CNTNAP5: variants seen among roughly 807,000 people sequenced by gnomAD.
CNTNAP5 encodes the protein contactin-associated protein-like 5.
In CNTNAP5, 72 loss-of-function variants were observed where a neutral mutation model predicts 150.2. That is an observed-to-expected ratio of 0.48 (90% CI 0.40 to 0.58). CNTNAP5 has a LOEUF of 0.58. Ranked by LOEUF, CNTNAP5 falls within the 20% of genes least tolerant of loss-of-function variation. The pLI, the probability that CNTNAP5 is intolerant of heterozygous loss-of-function variation, is 0.00. For missense variants in CNTNAP5, 1,636 were observed against 1,626.2 expected, an observed-to-expected ratio of 1.01 and a Z score of -0.10; for synonymous variants, 672 against 619.8, an observed-to-expected ratio of 1.08 and a Z score of -1.25.
rs140832536 is a variant in CNTNAP5, at chr2:124,122,693, C to A, written c.82+96961C>A. ...TTATTGTGTGCCAGATCCCTTAGATCTTTGAGTTGCTAATCTTCCTGTCCC... is the reference window on the plus strand; with the variant it reads ...TTATTGTGTGCCAGATCCCTTAGATATTTGAGTTGCTAATCTTCCTGTCCC... On this transcript the variant is annotated intron_variant, in intron 1 of 23. Coordinates refer to ENST00000682447, the MANE Select transcript of CNTNAP5 (RefSeq NM_001367498.1). Among the ~76,000 whole-genome samples the A allele has an allele frequency of 2.6e-4, 39 of 151,820 alleles. 1 individual carries two copies. In the South Asian group the frequency reaches 4.4e-3, roughly 17 times the overall value.
Position 124,834,514 on chromosome 2 carries a change from T to C in CNTNAP5, c.3218-30792T>C, listed in dbSNP as rs76251471. On this transcript the variant is annotated intron_variant, in intron 19 of 23. Coordinates refer to ENST00000682447, the MANE Select transcript of CNTNAP5 (RefSeq NM_001367498.1). ...TCATGTTTAAATATCCAGGCTGTAA[T>C]GGGGGGTATTGCAGCAGAAGGCCTC... is the stretch of plus-strand genomic sequence containing the variant. Among the ~76,000 whole-genome samples the C allele has an allele frequency of 2.0e-5, 3 of 151,966 alleles. No homozygotes were observed. In the South Asian group the frequency reaches 6.2e-4, roughly 32 times the overall value.
At chr2:124,825,712 G>C (rs1472284851) in intron 19 of CNTNAP5, among the ~76,000 whole-genome samples, 1 of 152,172 alleles carries the variant, frequency 6.6e-6, no homozygotes, top group Non-Finnish European at 1.5e-5. Context: ...TTTTATTCTG[G>C]AATCTGGGGA....
chr2:124,155,913 G>A (rs1684514994), intron 1 of CNTNAP5, among the ~76,000 whole-genome samples: 2 of 152,222 alleles, frequency 1.3e-5, no homozygotes, highest in South Asian at 2.1e-4. Context: ...CTGGGGGCAA[G>A]CAGTTGAGCC....
At chr2:124,370,778 T>C (rs1404889976) in intron 3 of CNTNAP5, among the ~76,000 whole-genome samples, 3 of 152,128 alleles carry the variant, frequency 2.0e-5, no homozygotes, top group African/African-American at 7.2e-5. Context: ...TTCCTTCTTC[T>C]GATCTTAGGT....
At chr2:124,193,742 T>C (rs1018021076) in intron 1 of CNTNAP5, among the ~76,000 whole-genome samples, 3 of 152,234 alleles carry the variant, frequency 2.0e-5, no homozygotes, top group Admixed American at 6.5e-5. Flanking sequence ...TTATGAAATG[T>C]GAAGCATTTA....
chr2:124,099,866 A>G (rs1683025508), intron 1 of CNTNAP5, among the ~76,000 whole-genome samples: 1 of 152,070 alleles, frequency 6.6e-6, no homozygotes, highest in Non-Finnish European at 1.5e-5. Context: ...ACAGGACCAA[A>G]TGGTTGGTGC....
chr2:124,254,193 TA>T (rs1478506015), intron 3 of CNTNAP5, among the ~76,000 whole-genome samples: 1 of 152,208 alleles, frequency 6.6e-6, no homozygotes, highest in Non-Finnish European at 1.5e-5. Flanking sequence ...AATCCTTATC[TA>T]AAGAAAACTT....
intron 11 of CNTNAP5, among the ~76,000 whole-genome samples, chr2:124,588,105 TC>T (rs1696583328): frequency 6.6e-6 from 1 of 151,420 alleles, no homozygotes; most frequent in Non-Finnish European, 1.5e-5. Flanking sequence ...TTTTCTTCCT[TC>T]CTTCCCTCCT....
intron 3 of CNTNAP5, among the ~76,000 whole-genome samples, chr2:124,355,283 A>C (rs1002623103): frequency 1.3e-5 from 2 of 152,146 alleles, no homozygotes; most frequent in Non-Finnish European, 2.9e-5. Context: ...TTCATTTTTC[A>C]CATTTCTTTA....
chr2:124,166,387 A>G (rs1684810832), intron 1 of CNTNAP5, among the ~76,000 whole-genome samples: 1 of 152,194 alleles, frequency 6.6e-6, no homozygotes, highest in Non-Finnish European at 1.5e-5. Context: ...GCTTGGAAGT[A>G]GTGACACTTA....
At chr2:124,457,720 T>C (rs536562344) in intron 6 of CNTNAP5, among the ~76,000 whole-genome samples, 1 of 152,164 alleles carries the variant, frequency 6.6e-6, no homozygotes, top group Non-Finnish European at 1.5e-5. Flanking sequence ...ATATTTATTA[T>C]ACTTTAAGTT....
At chr2:124,094,223 A>G (rs1573748975) in intron 1 of CNTNAP5, among the ~76,000 whole-genome samples, 1 of 152,362 alleles carries the variant, frequency 6.6e-6, no homozygotes, top group East Asian at 1.9e-4. Context: ...TAACACTTTT[A>G]ACATGCAGTA....
chr2:124,786,375 G>A (rs13024257), intron 17 of CNTNAP5, among the ~76,000 whole-genome samples: 1 of 73,972 alleles, frequency 1.4e-5, no homozygotes, highest in East Asian at 3.2e-4. Context: ...AAGAAAGAAA[G>A]AAAGAAAGAA....
At chr2:124,305,264 T>C (rs1469479309) in intron 3 of CNTNAP5, among the ~76,000 whole-genome samples, 2 of 137,068 alleles carry the variant, frequency 1.5e-5, no homozygotes, top group African/African-American at 5.3e-5. Context: ...GATGACAGTC[T>C]AAAAAAAAAA....
chr2:124,892,034 G>A (rs926427872), intron 21 of CNTNAP5, among the ~76,000 whole-genome samples: 2 of 152,072 alleles, frequency 1.3e-5, no homozygotes, highest in Non-Finnish European at 2.9e-5. Flanking sequence ...ACAGTCTATG[G>A]AGAGGGAAGT....
chr2:124,795,944 G>A (rs1681836623), intron 18 of CNTNAP5, among the ~76,000 whole-genome samples: 1 of 151,882 alleles, frequency 6.6e-6, no homozygotes, highest in African/African-American at 2.4e-5. Flanking sequence ...GAATCATCAT[G>A]GTCACTAGAA....
intron 2 of CNTNAP5, among the ~76,000 whole-genome samples, chr2:124,239,145 C>G (rs1686821869): frequency 6.6e-6 from 1 of 152,100 alleles, no homozygotes; most frequent in Admixed American, 6.6e-5. Context: ...CTATGATTTT[C>G]TTTAGACAAA....
intron 7 of CNTNAP5, among the ~76,000 whole-genome samples, chr2:124,502,409 G>T (rs980025710): frequency 2.0e-5 from 3 of 152,180 alleles, no homozygotes; most frequent in Non-Finnish European, 4.4e-5. Flanking sequence ...AAGAGGGCTT[G>T]GGTGAAGCTA....
At chr2:124,082,131 C>T (rs187672014) in intron 1 of CNTNAP5, among the ~76,000 whole-genome samples, 1,880 of 151,910 alleles carry the variant, frequency 0.012, 38 homozygotes, top group African/African-American at 0.043. Flanking sequence ...GGGTGGATCA[C>T]GAGGTCAGGA....
Sources: gnomAD v4.1 joint callset for allele counts (sites outside exome capture counted in the v4.1 genomes callset) on GRCh38, gnomAD v4.1.1 for gene constraint, MANE v1.5 for transcripts, NCBI Gene and HGNC (gene_info 2026-07-23, HGNC 2026-07-21) for gene names.